The following LEPR variants were observed in gnomAD, a reference collection of about 807,000 sequenced individuals.
LEPR encodes the protein leptin receptor.
Under a neutral mutation model 114.7 loss-of-function variants are expected in LEPR, and 56 were observed. That is an observed-to-expected ratio of 0.49 (90% CI 0.39 to 0.61). LEPR has a LOEUF of 0.61. LEPR is among the 20% of genes least tolerant of loss of function. The pLI is 0.00. For synonymous variants in LEPR, 443 were observed against 461.4 expected (o/e 0.96, Z 0.51); for missense variants, 1,202 against 1,352.9 (o/e 0.89, Z 1.75).
Position 65,455,876 on chromosome 1 carries a change from C to T in LEPR, c.-21+30498C>T, listed in dbSNP as rs576512375. 3.4e-4 allele frequency among the ~76,000 whole-genome samples: 52 copies of T among 152,322 alleles called. No individual in the cohort carries two copies. In the South Asian group the frequency reaches 0.01, roughly 30 times the overall value. The stretch of plus-strand genomic sequence containing the variant: ...CTGGACAATGGTGGGCGCCCCTCCC[C>T]CAGCCTTGCTGCCGCCTTGCAGTTT... On this transcript the variant is annotated intron_variant, in intron 2 of 19. Coordinates refer to ENST00000349533, the MANE Select transcript of LEPR (RefSeq NM_002303.6).
intron 4 of LEPR, 35 bp from the exon 5 acceptor site, chr1:65,572,290 GT>G (rs747467075): frequency 0.15 from 116,908 of 766,728 alleles, 57 homozygotes; most frequent in Non-Finnish European, 0.16. Flanking sequence ...TCATGTAGTT[GT>G]TTTTTTTTTT....
intron 2 of LEPR, among the ~76,000 whole-genome samples, chr1:65,553,573 TTATGTTCTTC>T (rs1241321536): frequency 6.6e-6 from 1 of 152,114 alleles, no homozygotes; most frequent in Non-Finnish European, 1.5e-5. Context: ...ATCAGGTCAT[TTATGTTCTTC>T]TATATACTGG....
chr1:65,468,982 T>C (rs576525802), intron 2 of LEPR, among the ~76,000 whole-genome samples: 2 of 152,384 alleles, frequency 1.3e-5, no homozygotes, highest in East Asian at 3.9e-4. Flanking sequence ...CATTTTCTGG[T>C]ATTTCAAAAG....
At chr1:65,441,944 T>G (rs941095970) in intron 2 of LEPR, among the ~76,000 whole-genome samples, 1 of 152,214 alleles carries the variant, frequency 6.6e-6, no homozygotes, top group Non-Finnish European at 1.5e-5. Flanking sequence ...CACTGTGGTG[T>G]TCAGGTATAC....
At chr1:65,629,193 T>C in intron 19 of LEPR, 1 of 217,926 alleles carries the variant, frequency 4.6e-6, no homozygotes, top group Non-Finnish European at 9.2e-6. Flanking sequence ...CCATTTCTTG[T>C]TCTTTTAAAC....
intron 2 of LEPR, among the ~76,000 whole-genome samples, chr1:65,556,042 G>C (rs557773852): frequency 9.2e-5 from 14 of 152,170 alleles, no homozygotes. Flanking sequence ...ATAGCATTAA[G>C]AGGTGGGGCC....
intron 2 of LEPR, among the ~76,000 whole-genome samples, chr1:65,546,071 T>G (rs1352455681): frequency 6.6e-6 from 1 of 152,030 alleles, no homozygotes; most frequent in Non-Finnish European, 1.5e-5. Context: ...GGGAATCCTT[T>G]CCCCATTGCT....
rs995315214 is a variant in LEPR at position 65,507,437 on chromosome 1, T to C, written c.-20-58109T>C. Reference sequence around the variant, plus strand: ...TTTTAAAATGCTGAATAGTATTCCATTGTGTGTGTGTGTGTGTGTGTGTAT... The same window carrying C: ...TTTTAAAATGCTGAATAGTATTCCACTGTGTGTGTGTGTGTGTGTGTGTAT... On this transcript the variant is annotated intron_variant, in intron 2 of 19. Coordinates refer to ENST00000349533, the MANE Select transcript of LEPR (RefSeq NM_002303.6). 2.9e-5 allele frequency among the ~76,000 whole-genome samples: 4 copies of C among 138,776 alleles called. No individual in the cohort carries two copies. In the Admixed American group the frequency reaches 3.0e-4, roughly 10 times the overall value. 91.0% of individuals were successfully genotyped at this position (138,776 alleles called of 152,430 possible).
chr1:65,634,298 C>T (rs1011608309), intron 19 of LEPR: 58 of 982,560 alleles, frequency 5.9e-5, no homozygotes, highest in Middle Eastern at 5.2e-4. Flanking sequence ...TCTACAAAAA[C>T]GGGAAGAATG....
intron 2 of LEPR, among the ~76,000 whole-genome samples, chr1:65,558,228 T>A (rs1276911055): frequency 6.6e-6 from 1 of 152,138 alleles, no homozygotes; most frequent in Non-Finnish European, 1.5e-5. Context: ...TATAATTAAA[T>A]CATGAGGGTT....
In LEPR at chr1:65,636,886, T is replaced by G. The variant is rs776871256; in HGVS notation, c.3369T>G (p.Phe1123Leu). 6.2e-7 allele frequency: 1 copy of G among 1,606,522 alleles called. No homozygotes were observed. Among genetic ancestry groups the G allele is most frequent in the South Asian group, 1.1e-5 (1 of 90,080 alleles). ...TTCTCCAGGACAGTTGCTCACACTT[T>G]GTAGAAAATAATATCAACTTAGGAA... ...IRVLQDSCSH[F>L]VENNINLGTS... The change falls in exon 20 of 20, where the codon TTT becomes TTG. Residue 1123 changes from phenylalanine to leucine, a missense_variant. By Grantham distance (22) the Phe-to-Leu change is conservative (BLOSUM62 0). Coordinates refer to ENST00000349533, the MANE Select transcript of LEPR (RefSeq NM_002303.6).
chr1:65,512,721 C>T (rs899176002), intron 2 of LEPR, among the ~76,000 whole-genome samples: 22 of 152,140 alleles, frequency 1.4e-4, no homozygotes, highest in African/African-American at 5.1e-4. Context: ...CCCTGCCTTC[C>T]TTCTGTCCCG....
chr1:65,520,004 C>T (rs1224067974), intron 2 of LEPR, among the ~76,000 whole-genome samples: 1 of 152,026 alleles, frequency 6.6e-6, no homozygotes, highest in African/African-American at 2.4e-5. Flanking sequence ...GCTGGGACTA[C>T]AGGGGCCTGC....
At chr1:65,531,341 C>A (rs1043448105) in intron 2 of LEPR, among the ~76,000 whole-genome samples, 1 of 152,114 alleles carries the variant, frequency 6.6e-6, no homozygotes, top group Non-Finnish European at 1.5e-5. Context: ...TTCAATGAGG[C>A]CTACTCTGAT....
chr1:65,449,881 A>G (rs775892821), intron 2 of LEPR, among the ~76,000 whole-genome samples: 8 of 152,080 alleles, frequency 5.3e-5, no homozygotes, highest in Non-Finnish European at 8.8e-5. Flanking sequence ...TTTCTAATAT[A>G]TACATTTAAT....
intron 19 of LEPR, among the ~76,000 whole-genome samples, chr1:65,625,826 A>C (rs1218600675): frequency 6.6e-6 from 1 of 152,210 alleles, no homozygotes; most frequent in Non-Finnish European, 1.5e-5. Flanking sequence ...TAGGAAGACT[A>C]TAAGACTTTT....
chr1:65,436,827 A>G (rs540372297), intron 2 of LEPR, among the ~76,000 whole-genome samples: 21 of 152,358 alleles, frequency 1.4e-4, no homozygotes, highest in African/African-American at 4.6e-4. Context: ...TTCCCCTCAG[A>G]ATAATTAAAT....
intron 2 of LEPR, among the ~76,000 whole-genome samples, chr1:65,426,794 C>G (rs894340317): frequency 1.6e-4 from 24 of 151,862 alleles, no homozygotes; most frequent in Non-Finnish European, 1.5e-5. Flanking sequence ...GTCAAGAGAT[C>G]GAGACCATCC....
intron 2 of LEPR, among the ~76,000 whole-genome samples, chr1:65,452,455 C>A (rs965450039): frequency 1.3e-5 from 2 of 151,738 alleles, no homozygotes; most frequent in Admixed American, 1.3e-4. Context: ...TACGTCCCAT[C>A]AATACCTAAT....
Sources: gnomAD v4.1 joint callset for allele counts (sites outside exome capture counted in the v4.1 genomes callset) on GRCh38, gnomAD v4.1.1 for gene constraint, MANE v1.5 for transcripts, NCBI Gene and HGNC (gene_info 2026-07-23, HGNC 2026-07-21) for gene names.